CEP104: variants seen among roughly 807,000 people sequenced by gnomAD.
CEP104 encodes centrosomal protein of 104 kDa.
CEP104 carries 84 observed loss-of-function variants against 113.3 expected under a neutral mutation model. The ratio of observed to expected loss-of-function variants is 0.74; its 90% CI spans 0.62 to 0.89. CEP104 has a LOEUF of 0.89. Ranked by LOEUF, CEP104 falls within the 40% of genes least tolerant of loss-of-function variation. The pLI is 0.00. For synonymous variants in CEP104, 378 were observed against 421.7 expected (o/e 0.90, Z 1.27); for missense variants, 1,053 against 1,156.6 (o/e 0.91, Z 1.30).
intron 1 of CEP104, among the ~76,000 whole-genome samples, chr1:3,853,904 G>C (rs1014734336): frequency 2.0e-5 from 3 of 152,162 alleles, no homozygotes; most frequent in Admixed American, 2.0e-4. Flanking sequence ...AGACCAGCCT[G>C]GGTAAGAGAG....
chr1:3,839,008 C>G lies in CEP104; in HGVS notation c.847G>C (p.Val283Leu). The G allele has an allele frequency of 1.9e-6, 3 of 1,614,190 alleles. No homozygotes were observed. Among genetic ancestry groups the G allele is most frequent in the Non-Finnish European group, 2.5e-6 (3 of 1,180,036 alleles). ...KQQMEQYRAE[V>L]YEQLELHSLL... is the part of the protein sequence containing the mutation. The stretch of plus-strand genomic sequence containing the variant: ...CTGTGCAGCTCCAGCTGCTCGTACA[C>G]CTCGGCACGATACTGCTCCATCTGC... The change falls in exon 8 of 22, where the codon GTG becomes CTG. Residue 283 changes from valine to leucine, a missense_variant. Coordinates refer to ENST00000378230, the MANE Select transcript of CEP104 (RefSeq NM_014704.4).
At chr1:3,826,611 C>T (rs1644096683) in intron 16 of CEP104, 97 bp downstream of exon 16, 28 of 1,446,202 alleles carry the variant, frequency 1.9e-5, no homozygotes, top group Non-Finnish European at 2.7e-5. Context: ...GCTGAATGGA[C>T]AGAAGCCGTT....
intron 20 of CEP104, among the ~76,000 whole-genome samples, chr1:3,821,853 C>T (rs983156981): frequency 4.6e-5 from 7 of 152,220 alleles, no homozygotes; most frequent in Admixed American, 3.3e-4. Flanking sequence ...GGAAAAAGAA[C>T]GAGAGAATGA....
intron 12 of CEP104, among the ~76,000 whole-genome samples, chr1:3,832,043 T>C (rs1644217819): frequency 6.6e-6 from 1 of 152,262 alleles, no homozygotes; most frequent in South Asian, 2.1e-4. Context: ...TAACCCTCGA[T>C]AGATTGCCTT....
At chr1:3,818,262 A>C (rs953214823) in intron 20 of CEP104, among the ~76,000 whole-genome samples, 1 of 152,184 alleles carries the variant, frequency 6.6e-6, no homozygotes. Flanking sequence ...GAGTGCTCCC[A>C]GTATCATGAC....
At chr1:3,827,471 C>T (rs1011131984) in intron 15 of CEP104, among the ~76,000 whole-genome samples, 4 of 152,142 alleles carry the variant, frequency 2.6e-5, no homozygotes, top group African/African-American at 7.2e-5. Context: ...CCTCCTGCCT[C>T]GGCCTCCCAA....
chr1:3,846,672 T>C (rs1346110140), intron 4 of CEP104, among the ~76,000 whole-genome samples: 1 of 152,184 alleles, frequency 6.6e-6, no homozygotes, highest in Non-Finnish European at 1.5e-5. Flanking sequence ...TCTTCTGGCT[T>C]CCTGGCGTGT....
intron 2 of CEP104, among the ~76,000 whole-genome samples, chr1:3,850,586 G>A (rs1026722648): frequency 6.3e-4 from 96 of 152,110 alleles, no homozygotes; most frequent in African/African-American, 2.1e-3. Flanking sequence ...CCTGAGCTCC[G>A]ACGTAGAGGG....
chr1:3,827,556 T>C (rs1369441540), intron 15 of CEP104, among the ~76,000 whole-genome samples: 1 of 152,168 alleles, frequency 6.6e-6, no homozygotes, highest in Non-Finnish European at 1.5e-5. Flanking sequence ...GGACTTAATA[T>C]GTAAATTCTG....
chr1:3,838,867 C>G (rs1260231838), intron 8 of CEP104, 97 bp downstream of exon 8: 1 of 1,342,916 alleles, frequency 7.4e-7, no homozygotes, highest in African/African-American at 1.4e-5. Flanking sequence ...GTGTTTTACA[C>G]TACACTTCAA....
At chr1:3,828,015 T>C (rs1228782956) in intron 15 of CEP104, among the ~76,000 whole-genome samples, 1 of 152,038 alleles carries the variant, frequency 6.6e-6, no homozygotes, top group Non-Finnish European at 1.5e-5. Context: ...CCCATCAGCA[T>C]AGGCGACCCC....
chr1:3,837,619 G>A, intron 8 of CEP104, 100 bp from the exon 9 acceptor site: 1 of 1,017,710 alleles, frequency 9.8e-7, no homozygotes, highest in Non-Finnish European at 1.4e-6. Context: ...AAGCTGTGCT[G>A]GAAGAGGCTC....
intron 10 of CEP104, 102 bp downstream of exon 10, chr1:3,836,393 G>T: frequency 8.5e-7 from 1 of 1,181,530 alleles, no homozygotes; most frequent in Non-Finnish European, 1.2e-6. Context: ...CAAAGCCGTG[G>T]GCGTTTTCCC....
chr1:3,826,585 G>T, intron 16 of CEP104, 123 bp downstream of exon 16: 1 of 1,296,914 alleles, frequency 7.7e-7, no homozygotes, highest in Non-Finnish European at 1.1e-6. Context: ...GGTGCAGCAG[G>T]CGTGCAGTGA....
In CEP104 at chr1:3,815,131, CTCTGAT is replaced by C. The variant is rs372500276; in HGVS notation, c.*265_*270del. The C allele has an allele frequency of 2.8e-4, 124 of 449,720 alleles. No individual in the cohort carries two copies. The highest frequency in any genetic ancestry group is 2.4e-3 in the African/African-American group (119 of 48,902). The allele number at this position is 449,720 out of a possible 1,614,324, so 27.9% of individuals were successfully genotyped here. A position where few individuals can be genotyped will look rare whatever the true frequency, so the allele number is the denominator to read the frequency against. On this transcript the variant is annotated 3_prime_UTR_variant, in exon 22 of 22. Transcript: ENST00000378230. ...CTCTCTCCAAACAGGACGCTTCCTTCTCTGATTCTAAGGAAGGCCTGAGACAGCCCT... is the reference window on the plus strand; with the variant it reads ...CTCTCTCCAAACAGGACGCTTCCTTCTCTAAGGAAGGCCTGAGACAGCCCT...
intron 2 of CEP104, among the ~76,000 whole-genome samples, chr1:3,850,900 G>A (rs1392919529): frequency 6.6e-6 from 1 of 152,252 alleles, no homozygotes; most frequent in Non-Finnish European, 1.5e-5. Context: ...AAGGGTGGCT[G>A]TGTGTATACT....
intron 15 of CEP104, among the ~76,000 whole-genome samples, chr1:3,828,902 T>C (rs568136822): frequency 2.4e-4 from 36 of 152,226 alleles, no homozygotes; most frequent in Non-Finnish European, 4.6e-4. Flanking sequence ...CTTCCCTTTT[T>C]AATGCGCTGA....
intron 6 of CEP104, among the ~76,000 whole-genome samples, chr1:3,842,891 G>A (rs1188876380): frequency 6.6e-6 from 1 of 151,846 alleles, no homozygotes; most frequent in African/African-American, 2.4e-5. Flanking sequence ...AGGTTCAAGG[G>A]ATTCTCCTGC....
Position 3,834,887 on chromosome 1 carries a change from C to T in CEP104, c.1485+38G>A, listed in dbSNP as rs1489092300. ...CTGTGGTACGGCGCATGATCTCATC[C>T]ATGCACGCTGGAGCCAGCGCCAGCT... On this transcript the variant is annotated intron_variant, in intron 11 of 21. Transcript: ENST00000378230. 3.9e-6 allele frequency: 6 copies of T among 1,546,192 alleles called. No individual in the cohort carries two copies. The Admixed American group carries it at 1.2e-4, about 30-fold the overall frequency.
Sources: allele counts gnomAD v4.1 joint callset (sites outside exome capture counted in the v4.1 genomes callset), GRCh38; gene constraint gnomAD v4.1.1; transcripts MANE v1.5; gene names NCBI Gene and HGNC (gene_info 2026-07-23, HGNC 2026-07-21).